Variants in AOPEP observed in about 807,000 individuals in gnomAD.
AOPEP encodes the protein aminopeptidase O.
Under a neutral mutation model 98.1 loss-of-function variants are expected in AOPEP, and 77 were observed. The observed-to-expected ratio is 0.78, with a 90% CI of 0.65 to 0.95. The LOEUF (loss-of-function observed/expected upper bound fraction) is 0.95, where lower values mean the gene tolerates loss of function less well. AOPEP is among the 40% of genes least tolerant of loss of function. The probability of loss-of-function intolerance (pLI) is 0.00; values close to 1 mark genes in which losing one functional copy is unlikely to be tolerated. For missense variants in AOPEP, 1,024 were observed against 1,024.7 expected (o/e 1.00, Z 0.01); for synonymous variants, 346 against 365.3 (o/e 0.95, Z 0.60).
At chr9:94,778,901 C>T (rs115016290) in intron 3 of AOPEP, among the ~76,000 whole-genome samples, 2,345 of 151,950 alleles carry the variant, frequency 0.015, 59 homozygotes, top group African/African-American at 0.054. Flanking sequence ...TGGTGGTACA[C>T]GGCTGTAATC....
At chr9:95,044,590 C>T (rs997140858) in intron 13 of AOPEP, among the ~76,000 whole-genome samples, 38 of 152,188 alleles carry the variant, frequency 2.5e-4, no homozygotes, top group Middle Eastern at 3.2e-3. Context: ...TCTTGAAAAA[C>T]GTGACCCCTT....
chr9:95,067,001 C>T (rs1012445873), intron 14 of AOPEP, among the ~76,000 whole-genome samples: 2 of 152,196 alleles, frequency 1.3e-5, no homozygotes, highest in Admixed American at 6.5e-5. Flanking sequence ...CAATTGTAAA[C>T]TTAGCCATAT....
intron 5 of AOPEP, among the ~76,000 whole-genome samples, chr9:94,918,972 A>G (rs1465414433): frequency 1.3e-5 from 2 of 151,580 alleles, no homozygotes; most frequent in African/African-American, 4.9e-5. Context: ...CTGGAGTGCA[A>G]TGGTGCAATC....
At chr9:94,933,044 C>T (rs1378604234) in intron 7 of AOPEP, 20 of 985,376 alleles carry the variant, frequency 2.0e-5, no homozygotes, top group Non-Finnish European at 2.3e-5. Flanking sequence ...CCCAAGGACT[C>T]TCCCAGACTC....
At chr9:94,813,292 C>G (rs756938022) in intron 5 of AOPEP, among the ~76,000 whole-genome samples, 1 of 152,190 alleles carries the variant, frequency 6.6e-6, no homozygotes, top group Non-Finnish European at 1.5e-5. Flanking sequence ...AAATAACTCA[C>G]TTTCTTCAGA....
At chr9:94,987,557 G>A (rs1158495650) in intron 11 of AOPEP, among the ~76,000 whole-genome samples, 6 of 152,202 alleles carry the variant, frequency 3.9e-5, no homozygotes, top group Non-Finnish European at 8.8e-5. Context: ...CAGCTGGAAG[G>A]GTGGGGGCAA....
chr9:94,743,200 G>GA (rs1331128327), intron 1 of AOPEP, among the ~76,000 whole-genome samples: 3 of 119,878 alleles, frequency 2.5e-5, no homozygotes, highest in East Asian at 4.9e-4. Context: ...AGAAGAAGAA[G>GA]AGGAAGAAGA....
At chr9:95,018,773 T>G (rs3802454) in intron 13 of AOPEP, 123,725 of 152,174 alleles carry the variant, frequency 0.81, 51,144 homozygotes, top group Non-Finnish European at 0.89. Context: ...TCCGAGGCTG[T>G]CTCCACAGTG....
intron 5 of AOPEP, among the ~76,000 whole-genome samples, chr9:94,801,569 G>C (rs1028004707): frequency 5.9e-5 from 9 of 152,210 alleles, no homozygotes; most frequent in Non-Finnish European, 1.3e-4. Context: ...GTGGGGGTTG[G>C]AGGAGGAGTC....
intron 5 of AOPEP, among the ~76,000 whole-genome samples, chr9:94,805,497 T>G (rs780206156): frequency 6.6e-6 from 1 of 151,866 alleles, no homozygotes; most frequent in African/African-American, 2.4e-5. Context: ...TTTTGTTTTT[T>G]TTTTTAAAAA....
At chr9:94,779,851 T>G (rs1842904405) in intron 3 of AOPEP, among the ~76,000 whole-genome samples, 2 of 152,310 alleles carry the variant, frequency 1.3e-5, no homozygotes, top group East Asian at 1.9e-4. Context: ...TTCATCTCCC[T>G]GTAAACTTTT....
At chr9:94,855,863 G>A (rs1360794538) in intron 5 of AOPEP, among the ~76,000 whole-genome samples, 1 of 152,134 alleles carries the variant, frequency 6.6e-6, no homozygotes, top group African/African-American at 2.4e-5. Context: ...AGTCACAGGT[G>A]TCCTCTTCTT....
At chr9:94,919,780 G>C (rs1395340932) in intron 5 of AOPEP, among the ~76,000 whole-genome samples, 1 of 152,024 alleles carries the variant, frequency 6.6e-6, no homozygotes, top group Non-Finnish European at 1.5e-5. Flanking sequence ...ACAAGCAGAA[G>C]CTGCTGCTCA....
intron 5 of AOPEP, chr9:94,904,137 A>G (rs1256169103): frequency 6.6e-6 from 1 of 152,080 alleles, no homozygotes; most frequent in Non-Finnish European, 1.5e-5. Context: ...GCCCAACTAA[A>G]TTAATCCCTC....
chr9:95,086,125 TGCCCGAG>T (rs1292232915), intron 16 of AOPEP: 1 of 1,362,906 alleles, frequency 7.3e-7, no homozygotes, highest in Non-Finnish European at 9.8e-7. Flanking sequence ...TGTCTGTAAG[TGCCCGAG>T]GCTCAGGAGA....
chr9:94,948,185 A>C (rs1273895874), intron 7 of AOPEP, among the ~76,000 whole-genome samples: 1 of 152,118 alleles, frequency 6.6e-6, no homozygotes, highest in Non-Finnish European at 1.5e-5. Flanking sequence ...CTCATAGGCA[A>C]ATCTGTTAAG....
intron 5 of AOPEP, among the ~76,000 whole-genome samples, chr9:94,860,871 A>G (rs568698759): frequency 1.3e-5 from 2 of 152,322 alleles, no homozygotes; most frequent in East Asian, 3.9e-4. Context: ...AATTCTGTCC[A>G]TTTCAAAGTC....
chr9:94,857,248 A>G (rs2044334721), intron 5 of AOPEP, among the ~76,000 whole-genome samples: 1 of 152,120 alleles, frequency 6.6e-6, no homozygotes, highest in African/African-American at 2.4e-5. Flanking sequence ...CTCATCATAG[A>G]GTTCGTGTTA....
chr9:95,100,067 C>T, the AOPEP span: 3 of 232,232 alleles, frequency 1.3e-5, no homozygotes, highest in Admixed American at 1.1e-4. Context: ...ATGGCCCAGC[C>T]ACAAGTTCTG....
Sources: allele counts gnomAD v4.1 joint callset (sites outside exome capture counted in the v4.1 genomes callset), GRCh38; gene constraint gnomAD v4.1.1; transcripts MANE v1.5; gene names NCBI Gene and HGNC (gene_info 2026-07-23, HGNC 2026-07-21).